C12orf42: variants seen among roughly 807,000 people sequenced by gnomAD.
The protein encoded by C12orf42 is uncharacterized protein C12orf42.
In C12orf42, 25 loss-of-function variants were observed where a neutral mutation model predicts 21.6. That is an observed-to-expected ratio of 1.16 (90% confidence interval 0.84 to 1.62). The LOEUF (loss-of-function observed/expected upper bound fraction) is 1.62, where lower values mean the gene tolerates loss of function less well. Among genes scored for constraint, C12orf42 ranks in the 40% most tolerant of loss-of-function variants. The probability of loss-of-function intolerance (pLI) is 0.00; values close to 1 mark genes in which losing one functional copy is unlikely to be tolerated. For synonymous variants in C12orf42, 174 were observed against 175.0 expected (o/e 0.99, Z 0.05); for missense variants, 483 against 459.3 (o/e 1.05, Z -0.47).
At chr12:103,294,305 A>G (rs1483312457) in intron 4 of C12orf42, among the ~76,000 whole-genome samples, 1 of 151,450 alleles carries the variant, frequency 6.6e-6, no homozygotes, top group African/African-American at 2.4e-5. Context: ...GAGGGAAAAC[A>G]CAGAGCATGG....
At chr12:103,102,593 T>C in the C12orf42 span, among the ~76,000 whole-genome samples, 1 of 152,232 alleles carries the variant, frequency 6.6e-6, no homozygotes, top group African/African-American at 2.4e-5. Context: ...CTAAAAACTA[T>C]AGCTTCTCAC....
chr12:103,320,542 C>T (rs1489691580), intron 4 of C12orf42, among the ~76,000 whole-genome samples: 1 of 152,158 alleles, frequency 6.6e-6, no homozygotes, highest in African/African-American at 2.4e-5. Context: ...GCAAAGCAAA[C>T]TATAATGATA....
chr12:103,070,524 A>G, the C12orf42 span, among the ~76,000 whole-genome samples: 1 of 151,638 alleles, frequency 6.6e-6, no homozygotes, highest in Admixed American at 6.6e-5. Context: ...ATACACACAC[A>G]CACACACACA....
At chr12:103,118,957 A>G in the C12orf42 span, among the ~76,000 whole-genome samples, 1 of 152,116 alleles carries the variant, frequency 6.6e-6, no homozygotes, top group African/African-American at 2.4e-5. Context: ...CACATGCCCC[A>G]AGTTGCCCAA....
At chr12:103,287,126 C>T (rs1479435398) in intron 4 of C12orf42, among the ~76,000 whole-genome samples, 1 of 152,186 alleles carries the variant, frequency 6.6e-6, no homozygotes, top group South Asian at 2.1e-4. Flanking sequence ...CTAGTTCAAC[C>T]ATTGTGGAAG....
At chr12:103,162,913 G>A in the C12orf42 span, 21 of 152,332 alleles carry the variant, frequency 1.4e-4, no homozygotes, top group African/African-American at 3.6e-4. Flanking sequence ...CTTCTGGAAA[G>A]AAATGGCGCT....
chr12:103,117,758 G>A, the C12orf42 span, among the ~76,000 whole-genome samples: 2 of 152,194 alleles, frequency 1.3e-5, no homozygotes, highest in African/African-American at 2.4e-5. Context: ...TGAGTAATGT[G>A]ATTCTGGATT....
chr12:103,418,219 T>A (rs1851259303), intron 2 of C12orf42, among the ~76,000 whole-genome samples: 2 of 152,106 alleles, frequency 1.3e-5, no homozygotes, highest in African/African-American at 4.8e-5. Flanking sequence ...ATTGGAAAAA[T>A]TCAGGGTTTT....
chr12:103,323,237 G>T (rs1019650099), intron 4 of C12orf42, among the ~76,000 whole-genome samples: 10 of 152,074 alleles, frequency 6.6e-5, no homozygotes, highest in Non-Finnish European at 1.5e-4. Flanking sequence ...CTCCTGAAGC[G>T]GATTTCTACA....
chr12:103,057,088 T>C, the C12orf42 span, among the ~76,000 whole-genome samples: 5 of 152,316 alleles, frequency 3.3e-5, no homozygotes, highest in East Asian at 9.6e-4. Flanking sequence ...ATTTCATGCA[T>C]TGTGTTCTGA....
chr12:103,479,287 G>T (rs1954291077), intron 1 of C12orf42, among the ~76,000 whole-genome samples: 1 of 152,064 alleles, frequency 6.6e-6, no homozygotes, highest in South Asian at 2.1e-4. Context: ...CTTATTTGTA[G>T]TTCTGAGGCT....
chr12:103,099,404 C>T, the C12orf42 span, among the ~76,000 whole-genome samples: 1 of 152,132 alleles, frequency 6.6e-6, no homozygotes, highest in African/African-American at 2.4e-5. Context: ...TACAGATGCA[C>T]AAACCAATAA....
At chr12:103,505,007 G>C in the C12orf42 span, 1 of 204,892 alleles carries the variant, frequency 4.9e-6, no homozygotes, top group Non-Finnish European at 1.1e-5. Flanking sequence ...CCATGGGAAT[G>C]CTGTGTTCTG....
At chr12:103,318,299 A>G (rs1469000257) in intron 4 of C12orf42, among the ~76,000 whole-genome samples, 1 of 152,160 alleles carries the variant, frequency 6.6e-6, no homozygotes, top group African/African-American at 2.4e-5. Flanking sequence ...AAAACAAAAA[A>G]GTATTACAAA....
chr12:103,095,719 T>A, the C12orf42 span, among the ~76,000 whole-genome samples: 7 of 152,230 alleles, frequency 4.6e-5, no homozygotes, highest in Admixed American at 3.3e-4. Context: ...TCAATTGTTG[T>A]GTCCTAAGAG....
intron 3 of C12orf42, among the ~76,000 whole-genome samples, chr12:103,398,250 T>C (rs944745339): frequency 2.0e-5 from 3 of 152,192 alleles, no homozygotes; most frequent in African/African-American, 4.8e-5. Context: ...AGTTTTTATC[T>C]GCATTTCCCT....
the C12orf42 span, among the ~76,000 whole-genome samples, chr12:103,115,637 T>C: frequency 2.0e-5 from 3 of 152,208 alleles, no homozygotes; most frequent in East Asian, 5.8e-4. Flanking sequence ...ATTTAGTACA[T>C]GTAAAGGATT....
chr12:103,131,388 G>A, the C12orf42 span, among the ~76,000 whole-genome samples: 1 of 152,066 alleles, frequency 6.6e-6, no homozygotes, highest in Admixed American at 6.5e-5. Context: ...CTAATCAATT[G>A]TCTTGCAAGC....
At chr12:103,403,423 C>A (rs1339951411) in intron 2 of C12orf42, among the ~76,000 whole-genome samples, 1 of 151,180 alleles carries the variant, frequency 6.6e-6, no homozygotes, top group East Asian at 1.9e-4. Flanking sequence ...ATCCTGTCAT[C>A]CCAAAAGGAA....
Sources: allele counts gnomAD v4.1 joint callset (sites outside exome capture counted in the v4.1 genomes callset), GRCh38; gene constraint gnomAD v4.1.1; transcripts MANE v1.5; gene names NCBI Gene and HGNC (gene_info 2026-07-23, HGNC 2026-07-21).